Variants in AADACL4 observed in about 807,000 individuals in gnomAD.
AADACL4 encodes arylacetamide deacetylase-like 4.
A neutral mutation model predicts 14.1 loss-of-function variants in AADACL4; 9 were observed. The ratio of observed to expected loss-of-function variants is 0.64; its 90% CI spans 0.39 to 1.12. The LOEUF (loss-of-function observed/expected upper bound fraction) is 1.12, where lower values mean the gene tolerates loss of function less well. Ranked by LOEUF, AADACL4 falls within the 50% of genes most tolerant of loss-of-function variation. AADACL4 has a pLI of 0.01. For synonymous variants in AADACL4, 188 were observed against 201.6 expected (o/e 0.93, Z 0.57); for missense variants, 531 against 516.1 (o/e 1.03, Z -0.28).
intron 1 of AADACL4, among the ~76,000 whole-genome samples, chr1:12,647,650 T>C (rs2100756884): frequency 6.6e-6 from 1 of 151,670 alleles, no homozygotes; most frequent in East Asian, 1.9e-4. Flanking sequence ...TCTTTTTCTT[T>C]CTTTCTTTCT....
At chr1:12,664,398 T>A (rs948718563) in intron 3 of AADACL4, among the ~76,000 whole-genome samples, 4 of 151,810 alleles carry the variant, frequency 2.6e-5, no homozygotes, top group African/African-American at 9.7e-5. Context: ...AGATGGAGTC[T>A]CACTCTCTCC....
chr1:12,653,564 C>T (rs1377599464), intron 2 of AADACL4, among the ~76,000 whole-genome samples: 1 of 152,250 alleles, frequency 6.6e-6, no homozygotes, highest in Non-Finnish European at 1.5e-5. Context: ...TTTATTACCG[C>T]ACAAACCCTT....
At chr1:12,654,946 C>G (rs1647172047) in intron 2 of AADACL4, among the ~76,000 whole-genome samples, 1 of 152,172 alleles carries the variant, frequency 6.6e-6, no homozygotes, top group African/African-American at 2.4e-5. Flanking sequence ...GTCTCGCTGG[C>G]TGGTCAGGGC....
intron 2 of AADACL4, among the ~76,000 whole-genome samples, chr1:12,654,162 G>A (rs1256913750): frequency 6.6e-6 from 1 of 152,130 alleles, no homozygotes; most frequent in Non-Finnish European, 1.5e-5. Context: ...CCAGTATTTG[G>A]GTAAATACGG....
chr1:12,658,115 C>CTTTT (rs1570431453), intron 2 of AADACL4, among the ~76,000 whole-genome samples: 1 of 69,888 alleles, frequency 1.4e-5, no homozygotes. Context: ...TTCTTTCCTT[C>CTTTT]CTTCCTTCCT....
intron 3 of AADACL4, among the ~76,000 whole-genome samples, chr1:12,665,292 G>A (rs1173078096): frequency 6.6e-6 from 1 of 152,066 alleles, no homozygotes; most frequent in East Asian, 1.9e-4. Context: ...GCTCGATCTA[G>A]GCTCACGGCA....
rs1223794350 is a variant in AADACL4, at chr1:12,657,233, C to A, written c.386-4558C>A. Among the ~76,000 whole-genome samples, 3 of 151,428 alleles carry A rather than the reference C, an allele frequency of 2.0e-5. No individual in the cohort carries two copies. The East Asian group carries it at 5.9e-4, about 30-fold the overall frequency. On this transcript the variant is annotated intron_variant, in intron 2 of 3. Coordinates refer to ENST00000376221, the MANE Select transcript of AADACL4 (RefSeq NM_001013630.2). ...TTTCTCATCTCTGCTTGTGACCCATCAGGGTGAATTGGGTTTTCCAGACTG... is the reference window on the plus strand; with the variant it reads ...TTTCTCATCTCTGCTTGTGACCCATAAGGGTGAATTGGGTTTTCCAGACTG...
At chr1:12,662,803 G>T (rs953335388) in intron 3 of AADACL4, among the ~76,000 whole-genome samples, 2 of 152,178 alleles carry the variant, frequency 1.3e-5, no homozygotes, top group African/African-American at 4.8e-5. Flanking sequence ...TGAGATTGAG[G>T]AAGCCAGCAC....
chr1:12,664,493 A>G lies in AADACL4; in HGVS notation c.450-1468A>G, dbSNP rs186411711. 4.4e-4 allele frequency among the ~76,000 whole-genome samples: 67 copies of G among 151,656 alleles called. No homozygotes were observed. The South Asian group carries it at 7.7e-3, about 18-fold the overall frequency. ...GTGACTCTCCTGTCTCAGCCTCCCA[A>G]GTGCCTGGGATTACAGGCTCCCACC... On this transcript the variant is annotated intron_variant, in intron 3 of 3. Transcript: ENST00000376221.
At chr1:12,665,142 C>T (rs1362286214) in intron 3 of AADACL4, among the ~76,000 whole-genome samples, 1 of 152,228 alleles carries the variant, frequency 6.6e-6, no homozygotes, top group East Asian at 1.9e-4. Context: ...ATCCTCCTGC[C>T]TCAGCCTCCT....
intron 2 of AADACL4, among the ~76,000 whole-genome samples, chr1:12,658,362 G>A (rs2493874): frequency 0.029 from 4,443 of 151,850 alleles, 86 homozygotes; most frequent in Non-Finnish European, 0.047. Context: ...GGATTCAAGC[G>A]AGTATCGTGC....
intron 1 of AADACL4, among the ~76,000 whole-genome samples, chr1:12,649,202 C>A (rs1647130131): frequency 6.6e-6 from 1 of 152,172 alleles, no homozygotes; most frequent in African/African-American, 2.4e-5. Context: ...GTGGCCATTA[C>A]TATGAGAGGG....
At chr1:12,654,143 T>G (rs1055658154) in intron 2 of AADACL4, among the ~76,000 whole-genome samples, 1 of 152,174 alleles carries the variant, frequency 6.6e-6, no homozygotes, top group African/African-American at 2.4e-5. Context: ...ATGAACCAAT[T>G]GGTGTCTCCC....
At chr1:12,650,516 T>C (rs1461650691) in intron 1 of AADACL4, among the ~76,000 whole-genome samples, 2 of 151,096 alleles carry the variant, frequency 1.3e-5, no homozygotes, top group African/African-American at 2.4e-5. Context: ...CCAGTTGCCT[T>C]GGCCAACTGG....
chr1:12,647,495 AG>A (rs1177357425), intron 1 of AADACL4, among the ~76,000 whole-genome samples: 15 of 152,318 alleles, frequency 9.8e-5, no homozygotes, highest in African/African-American at 3.4e-4. Context: ...TCTCGATAAA[AG>A]TCAATTATTC....
intron 2 of AADACL4, among the ~76,000 whole-genome samples, chr1:12,657,908 C>G (rs1325935006): frequency 6.6e-6 from 1 of 152,104 alleles, no homozygotes; most frequent in African/African-American, 2.4e-5. Context: ...AGGGTTTTAT[C>G]AGTCTCTAGC....
At position 12,666,105 on chromosome 1, in the gene AADACL4, G is replaced by A. The variant is rs149150706; in HGVS notation, c.594G>A (p.Ala198=). 7.5e-5 allele frequency: 121 copies of A among 1,614,094 alleles called. No homozygotes were observed. The highest frequency in any genetic ancestry group is 7.1e-4 in the African/African-American group (53 of 74,936). ...VVCGESVGGA[A]VAAITQALVG... The stretch of plus-strand genomic sequence containing the variant: ...GTGGAGAAAGCGTCGGAGGTGCAGC[G>A]GTGGCCGCCATCACCCAGGCCTTGG... Residue 198 remains alanine (A), a synonymous_variant, in exon 4 of 4, where the codon GCG becomes GCA. Coordinates refer to ENST00000376221, the MANE Select transcript of AADACL4 (RefSeq NM_001013630.2).
intron 1 of AADACL4, among the ~76,000 whole-genome samples, chr1:12,649,229 G>A (rs554706292): frequency 2.0e-5 from 3 of 152,314 alleles, no homozygotes; most frequent in East Asian, 1.9e-4. Context: ...ATGGCCCCAC[G>A]TGAACATGAC....
chr1:12,658,135 C>CCTTCCTTCCTTCCTTTCTTTCTTT (rs1557550855), intron 2 of AADACL4, among the ~76,000 whole-genome samples: 1 of 87,298 alleles, frequency 1.1e-5, no homozygotes, highest in African/African-American at 6.5e-5. Context: ...TTCCTTCCTT[C>CCTTCCTTCCTTCCTTTCTTTCTTT]CTTCCTTTCT....
Sources: allele counts gnomAD v4.1 joint callset (sites outside exome capture counted in the v4.1 genomes callset), GRCh38; gene constraint gnomAD v4.1.1; transcripts MANE v1.5; gene names NCBI Gene and HGNC (gene_info 2026-07-23, HGNC 2026-07-21).